SFSWAP: variants seen among roughly 807,000 people sequenced by gnomAD.
SFSWAP encodes the protein splicing factor, suppressor of white-apricot homolog.
Under a neutral mutation model 100.7 loss-of-function variants are expected in SFSWAP, and 17 were observed. That is an observed-to-expected ratio of 0.17 (90% confidence interval 0.12 to 0.25). The LOEUF is 0.25. SFSWAP is among the 10% of genes least tolerant of loss of function. The pLI is 1.00. For missense variants in SFSWAP, 1,005 were observed against 1,262.6 expected (o/e 0.80, Z 3.09); for synonymous variants, 504 against 510.1 (o/e 0.99, Z 0.16).
intron 7 of SFSWAP, among the ~76,000 whole-genome samples, chr12:131,737,165 G>T (rs928933946): frequency 6.6e-6 from 1 of 152,220 alleles, no homozygotes; most frequent in Non-Finnish European, 1.5e-5. Context: ...GGGCCCGAGC[G>T]CTGCAGGGCC....
intron 13 of SFSWAP, among the ~76,000 whole-genome samples, chr12:131,774,776 G>A (rs752380102): frequency 6.6e-6 from 1 of 152,204 alleles, no homozygotes; most frequent in Admixed American, 6.5e-5. Context: ...TGATCGTGTT[G>A]TTGGAATAAA....
Position 131,733,201 on chromosome 12 carries a change from C to T in SFSWAP, c.1081+4773C>T, listed in dbSNP as rs1257601501. Among the ~76,000 whole-genome samples the T allele has an allele frequency of 6.6e-6, 1 of 152,188 alleles. No homozygotes were observed. Among genetic ancestry groups the T allele is most frequent in the Non-Finnish European group, 1.5e-5 (1 of 68,034 alleles). On this transcript the variant is annotated intron_variant, in intron 7 of 17. Transcript: ENST00000261674. The surrounding 1 kb of genome is among the most constrained non-coding windows in gnomAD (Gnocchi z 5.1). ...GAGAGCGGGCGGGGGATGGCGCGGTCTCCCTGGTACTTACTGGGCAGGTGC... is the reference window on the plus strand; with the variant it reads ...GAGAGCGGGCGGGGGATGGCGCGGTTTCCCTGGTACTTACTGGGCAGGTGC...
chr12:131,711,260 C>G lies in SFSWAP; in HGVS notation c.31C>G (p.Pro11Ala). Residue 11 changes from proline to alanine, a missense_variant, in exon 1 of 18, where the codon CCC (proline) becomes GCC (alanine). This residue lies in a region of SFSWAP where 237 missense variants were observed against 337.0 expected (regional missense o/e 0.70). Transcript: ENST00000261674. The surrounding 1 kb of genome is among the most constrained non-coding windows in gnomAD (Gnocchi z 4.9). ...CGGCGCGAGCGGGGGCCGCGCCAAA[C>G]CCGAGAGGAAAAGCGGCGCGAAGGA... MYGASGGRAK[P>A]ERKSGAKEEA... The G allele has an allele frequency of 6.2e-7, 1 of 1,610,200 alleles. No homozygotes were observed. The highest frequency in any genetic ancestry group is 1.1e-5 in the South Asian group (1 of 90,950).
chr12:131,753,412 C>CA (rs1566028962), intron 8 of SFSWAP, 49 bp downstream of exon 8: 2 of 1,569,426 alleles, frequency 1.3e-6, no homozygotes, highest in Non-Finnish European at 1.7e-6. Context: ...CTCAGCACTG[C>CA]AGTCACTGGG....
intron 7 of SFSWAP, among the ~76,000 whole-genome samples, chr12:131,748,259 T>G (rs1327516011): frequency 1.3e-5 from 2 of 149,202 alleles, no homozygotes; most frequent in African/African-American, 4.9e-5. Context: ...TGATCTCAGC[T>G]CGCTGCAGCC....
intron 3 of SFSWAP, among the ~76,000 whole-genome samples, chr12:131,715,711 A>T (rs1877838512): frequency 6.6e-6 from 1 of 152,156 alleles, no homozygotes; most frequent in Non-Finnish European, 1.5e-5. Context: ...TATTCTGTTT[A>T]AAAAGAAGAA....
Position 131,741,376 on chromosome 12 carries a change from C to A in SFSWAP, c.1082-11747C>A, listed in dbSNP as rs557889413. Among the ~76,000 whole-genome samples the A allele has an allele frequency of 1.9e-3, 287 of 152,246 alleles. 1 individual carries two copies. Among genetic ancestry groups the A allele is most frequent in the African/African-American group, 6.5e-3 (270 of 41,538 alleles). ...CCAGGCCAGCCATGGTGGCTCACAC[C>A]TGTAGTCCCAGCACTTTGGGAGGCC... On this transcript the variant is annotated intron_variant, in intron 7 of 17. Coordinates refer to ENST00000261674, the MANE Select transcript of SFSWAP (RefSeq NM_004592.4).
rs1882952006 is a variant in SFSWAP, at chr12:131,764,525, G to A, written c.1790G>A (p.Arg597His). The A allele has an allele frequency of 1.2e-6, 2 of 1,614,138 alleles. No homozygotes were observed. The highest frequency in any genetic ancestry group is 1.3e-5 in the African/African-American group (1 of 75,034). The change falls in exon 12 of 18, where the codon CGT (arginine) becomes CAT (histidine). Residue 597 changes from arginine to histidine, a missense_variant. By Grantham distance (29) the Arg-to-His change is conservative. This residue lies in a region of SFSWAP where 82 missense variants were observed against 131.0 expected (regional missense o/e 0.63). Transcript: ENST00000261674. ...ENDLLPLEKN[R>H]VKLDDDSDDD... ...GATCTGCTTCCCCTGGAAAAAAATCGTGTTAAGCTAGATGATGACAGTGAT... is the reference window on the plus strand; with the variant it reads ...GATCTGCTTCCCCTGGAAAAAAATCATGTTAAGCTAGATGATGACAGTGAT...
chr12:131,744,324 A>G (rs1342564239), intron 7 of SFSWAP, among the ~76,000 whole-genome samples: 1 of 152,188 alleles, frequency 6.6e-6, no homozygotes, highest in African/African-American at 2.4e-5. Context: ...ACAGCACCCA[A>G]GTCACCTCTC....
chr12:131,718,836 G>A (rs564236626), intron 3 of SFSWAP, among the ~76,000 whole-genome samples: 18 of 152,318 alleles, frequency 1.2e-4, no homozygotes, highest in Non-Finnish European at 2.2e-4. Context: ...GATTATGGTA[G>A]AGATGTTCAC....
chr12:131,775,916 C>G (rs1293034143), intron 13 of SFSWAP, among the ~76,000 whole-genome samples: 3 of 151,262 alleles, frequency 2.0e-5, no homozygotes, highest in Admixed American at 6.6e-5. Context: ...ATAGCAAAAC[C>G]CTTTCTCTAC....
intron 15 of SFSWAP, 87 bp downstream of exon 15, chr12:131,786,675 G>A: frequency 1.4e-6 from 2 of 1,422,004 alleles, no homozygotes; most frequent in Non-Finnish European, 9.5e-7. Context: ...GTATCTGTGA[G>A]CAGAGCTGTG....
At chr12:131,715,645 T>C (rs1019846700) in intron 3 of SFSWAP, among the ~76,000 whole-genome samples, 2 of 152,246 alleles carry the variant, frequency 1.3e-5, no homozygotes, top group Non-Finnish European at 2.9e-5. Flanking sequence ...AGTCGTTAAT[T>C]AGCAGTAATG....
intron 11 of SFSWAP, among the ~76,000 whole-genome samples, chr12:131,760,544 A>T (rs1452518522): frequency 2.6e-5 from 4 of 152,240 alleles, no homozygotes; most frequent in African/African-American, 9.6e-5. Flanking sequence ...GTGTAAGTCG[A>T]TAGAACCCAG....
intron 14 of SFSWAP, chr12:131,785,455 C>T (rs545959063): frequency 2.0e-5 from 9 of 448,622 alleles, no homozygotes; most frequent in East Asian, 3.6e-5. Flanking sequence ...AAAATCAAAC[C>T]GCTCTTCTTT....
At chr12:131,773,376 G>A (rs1236229589) in intron 13 of SFSWAP, among the ~76,000 whole-genome samples, 1 of 151,766 alleles carries the variant, frequency 6.6e-6, no homozygotes, top group Non-Finnish European at 1.5e-5. Context: ...GTCTCACTCT[G>A]TCGCCCGAGC....
chr12:131,756,079 T>C (rs1304938233), intron 10 of SFSWAP, among the ~76,000 whole-genome samples: 1 of 152,254 alleles, frequency 6.6e-6, no homozygotes, highest in African/African-American at 2.4e-5. Flanking sequence ...TGGGCCTTAC[T>C]TCTCAGGAGA....
At chr12:131,776,613 C>G (rs1355823708) in intron 13 of SFSWAP, among the ~76,000 whole-genome samples, 1 of 152,190 alleles carries the variant, frequency 6.6e-6, no homozygotes, top group African/African-American at 2.4e-5. Flanking sequence ...GAGGGAAGCC[C>G]CCTTACCACT....
Position 131,797,221 on chromosome 12 carries a change from ACCAAGT to A in SFSWAP, c.2584_2589del (p.Ser862_Lys863del). 6.2e-7 allele frequency: 1 copy of A among 1,612,138 alleles called. No homozygotes were observed. The highest frequency in any genetic ancestry group is 1.7e-5 in the Admixed American group (1 of 60,008). On this transcript the variant is annotated inframe_deletion, in exon 16 of 18. Coordinates refer to ENST00000261674, the MANE Select transcript of SFSWAP (RefSeq NM_004592.4). The stretch of plus-strand genomic sequence containing the variant: ...GAAGAAGAGGCGGTCCCGGTCGCGG[ACCAAGT>A]CCAAGGCCAGGTCTCAGTCGGTGTC...
Sources: allele counts gnomAD v4.1 joint callset (sites outside exome capture counted in the v4.1 genomes callset), GRCh38; gene constraint gnomAD v4.1.1; regional missense constraint gnomAD v4.1.1; non-coding constraint Gnocchi (gnomAD v3.1); transcripts MANE v1.5; gene names NCBI Gene and HGNC (gene_info 2026-07-23, HGNC 2026-07-21).